GPC5: variants seen among roughly 807,000 people sequenced by gnomAD.
GPC5 encodes glypican-5.
A neutral mutation model predicts 53.9 loss-of-function variants in GPC5; 47 were observed. That is an observed-to-expected ratio of 0.87 (90% CI 0.69 to 1.11). The LOEUF (loss-of-function observed/expected upper bound fraction) is 1.11. Among genes scored for constraint, GPC5 ranks in the 50% most tolerant of loss-of-function variants. GPC5 has a pLI of 0.00. For missense variants in GPC5, 748 were observed against 713.1 expected (o/e 1.05, Z -0.56); for synonymous variants, 286 against 263.3 (o/e 1.09, Z -0.84).
intron 7 of GPC5, among the ~76,000 whole-genome samples, chr13:92,267,529 T>G (rs2042811000): frequency 6.6e-6 from 1 of 152,148 alleles, no homozygotes; most frequent in African/African-American, 2.4e-5. Context: ...CCTTGGTTAC[T>G]CCTCATTATA....
At position 92,718,560 on chromosome 13, in the gene GPC5, T is replaced by C. The variant is rs187897147; in HGVS notation, c.1562-147722T>C. On this transcript the variant is annotated intron_variant, in intron 7 of 7. Coordinates refer to ENST00000377067, the MANE Select transcript of GPC5 (RefSeq NM_004466.6). Reference sequence around the variant, plus strand: ...GGTTATCAGGGGCTGGGAAGGGTAGTGGGGCAAAGGGGTGGAGTCAGGATT... The same window carrying C: ...GGTTATCAGGGGCTGGGAAGGGTAGCGGGGCAAAGGGGTGGAGTCAGGATT... Among the ~76,000 whole-genome samples, 55 of 152,070 alleles carry C rather than the reference T, an allele frequency of 3.6e-4. No individual in the cohort carries two copies. The South Asian group carries it at 7.9e-3, about 22-fold the overall frequency.
chr13:92,521,199 G>T (rs1322209698), intron 7 of GPC5, among the ~76,000 whole-genome samples: 2 of 152,106 alleles, frequency 1.3e-5, no homozygotes, highest in African/African-American at 4.8e-5. Context: ...TGGCCATACT[G>T]CCCAAGGTAA....
chr13:92,588,586 T>C (rs1883618659), intron 7 of GPC5, among the ~76,000 whole-genome samples: 1 of 152,326 alleles, frequency 6.6e-6, no homozygotes, highest in South Asian at 2.1e-4. Flanking sequence ...TCTCATCATA[T>C]AATAACACTG....
At chr13:92,474,397 A>G (rs1190958535) in intron 7 of GPC5, among the ~76,000 whole-genome samples, 1 of 152,088 alleles carries the variant, frequency 6.6e-6, no homozygotes, top group Middle Eastern at 3.2e-3. Flanking sequence ...TAATTGTGTT[A>G]CGGTGGCCAT....
intron 7 of GPC5, among the ~76,000 whole-genome samples, chr13:92,852,403 CA>C (rs1878847737): frequency 6.6e-6 from 1 of 152,044 alleles, no homozygotes; most frequent in Non-Finnish European, 1.5e-5. Flanking sequence ...TTTGGGGGTT[CA>C]AATCACTTAT....
chr13:92,797,220 T>C (rs1374555822), intron 7 of GPC5, among the ~76,000 whole-genome samples: 2 of 151,966 alleles, frequency 1.3e-5, no homozygotes, highest in Non-Finnish European at 2.9e-5. Context: ...TAATGATGAA[T>C]GTTAATTTAC....
chr13:92,568,280 T>C (rs1455739857), intron 7 of GPC5, among the ~76,000 whole-genome samples: 2 of 152,214 alleles, frequency 1.3e-5, no homozygotes, highest in Non-Finnish European at 2.9e-5. Flanking sequence ...CAAAGTAATT[T>C]CAAAATACCA....
intron 7 of GPC5, among the ~76,000 whole-genome samples, chr13:92,523,251 C>T (rs190874789): frequency 3.3e-5 from 5 of 152,060 alleles, no homozygotes; most frequent in African/African-American, 9.7e-5. Flanking sequence ...ATAAGTAACA[C>T]CTTTTTTAAA....
chr13:92,862,266 C>T (rs372018426), intron 7 of GPC5, among the ~76,000 whole-genome samples: 1 of 152,112 alleles, frequency 6.6e-6, no homozygotes, highest in South Asian at 2.1e-4. Flanking sequence ...TCAACCTTAT[C>T]CTGTTCTTGT....
chr13:91,528,904 T>A (rs1245480183), intron 2 of GPC5, among the ~76,000 whole-genome samples: 1 of 152,122 alleles, frequency 6.6e-6, no homozygotes, highest in Non-Finnish European at 1.5e-5. Context: ...CCCCTTACTA[T>A]CATGAGGACA....
chr13:92,804,398 A>G (rs970652041), intron 7 of GPC5, among the ~76,000 whole-genome samples: 4 of 152,004 alleles, frequency 2.6e-5, no homozygotes, highest in African/African-American at 9.7e-5. Flanking sequence ...CAAGTATCAC[A>G]ATAAAGTTAG....
chr13:91,842,188 T>C (rs1020376724), intron 5 of GPC5, among the ~76,000 whole-genome samples: 7 of 151,964 alleles, frequency 4.6e-5, no homozygotes, highest in African/African-American at 1.5e-4. Context: ...TGAGAACATA[T>C]ACTTAGAAAC....
At chr13:92,794,590 A>C (rs1263567100) in intron 7 of GPC5, among the ~76,000 whole-genome samples, 1 of 152,174 alleles carries the variant, frequency 6.6e-6, no homozygotes, top group Non-Finnish European at 1.5e-5. Context: ...GAGAAAGTCA[A>C]ATTGTCCCTG....
chr13:91,931,399 G>A (rs1478559782), intron 6 of GPC5, among the ~76,000 whole-genome samples: 12 of 152,000 alleles, frequency 7.9e-5, no homozygotes, highest in South Asian at 2.1e-4. Flanking sequence ...GACAAAAATA[G>A]CATTGATACA....
intron 5 of GPC5, among the ~76,000 whole-genome samples, chr13:91,837,566 G>T (rs1324231299): frequency 3.3e-5 from 5 of 152,226 alleles, no homozygotes; most frequent in Middle Eastern, 3.4e-3. Context: ...CCACAAAGAG[G>T]CTCTAGCCTG....
intron 6 of GPC5, among the ~76,000 whole-genome samples, chr13:91,976,499 A>G (rs1022277299): frequency 6.6e-6 from 1 of 152,100 alleles, no homozygotes; most frequent in Admixed American, 6.6e-5. Flanking sequence ...TACAATTAGG[A>G]GTTTATATAG....
intron 7 of GPC5, among the ~76,000 whole-genome samples, chr13:92,487,838 A>G (rs547999190): frequency 9.3e-5 from 11 of 117,760 alleles, no homozygotes; most frequent in Non-Finnish European, 1.8e-4. Context: ...ATATAAATAT[A>G]GTAAAAAAAA....
chr13:92,287,619 G>T (rs1020764537), intron 7 of GPC5, among the ~76,000 whole-genome samples: 1 of 152,124 alleles, frequency 6.6e-6, no homozygotes, highest in African/African-American at 2.4e-5. Flanking sequence ...AGCTTTCAGA[G>T]TTCCTGGTAA....
chr13:91,401,168 C>CA (rs1269958000), intron 1 of GPC5, among the ~76,000 whole-genome samples: 1 of 151,748 alleles, frequency 6.6e-6, no homozygotes, highest in Non-Finnish European at 1.5e-5. Context: ...ATCCACCCCC[C>CA]AAAAAAGGCA....
Sources: gnomAD v4.1 joint callset for allele counts (sites outside exome capture counted in the v4.1 genomes callset) on GRCh38, gnomAD v4.1.1 for gene constraint, MANE v1.5 for transcripts, NCBI Gene and HGNC (gene_info 2026-07-23, HGNC 2026-07-21) for gene names.